KCNQ5: variants seen among roughly 807,000 people sequenced by gnomAD.
The protein encoded by KCNQ5 is potassium voltage-gated channel subfamily KQT member 5.
KCNQ5 carries 30 observed loss-of-function variants against 98.2 expected under a neutral mutation model. The observed-to-expected ratio is 0.31, with a 90% confidence interval of 0.23 to 0.41. KCNQ5 has a LOEUF of 0.41. KCNQ5 is among the 10% of genes least tolerant of loss of function. The pLI is 1.00. For synonymous variants in KCNQ5, 458 were observed against 449.4 expected, an observed-to-expected ratio of 1.02 and a Z score of -0.24; for missense variants, 835 against 1,182.5, an observed-to-expected ratio of 0.71 and a Z score of 4.31.
chr6:73,065,030 G>T, intron 3 of KCNQ5, among the ~76,000 whole-genome samples: 1 of 142,690 alleles, frequency 7.0e-6, no homozygotes, highest in Non-Finnish European at 1.5e-5. Context: ...GATATTGCAA[G>T]GGATTCGTCC....
rs1456309964 is a variant in KCNQ5, at chr6:72,982,548, A to G, written c.399-21360A>G. Among the ~76,000 whole-genome samples, 4 of 80,344 alleles carry G rather than the reference A, an allele frequency of 5.0e-5. No homozygotes were observed. The South Asian group carries it at 1.6e-3, about 33-fold the overall frequency. The allele number at this position is 80,344 out of a possible 152,430, so 52.7% of individuals were successfully genotyped here. A position where few individuals can be genotyped will look rare whatever the true frequency, so the allele number is the denominator to read the frequency against. ...TTTGTAGATCTTCCTCCATCTCTTT[A>G]TCTTGAGCCTATGTGTGTCTCTGCA... is the stretch of plus-strand genomic sequence containing the variant. On this transcript the variant is annotated intron_variant, in intron 1 of 13. Transcript: ENST00000370398.
At chr6:73,160,153 A>G (rs1403239818) in intron 10 of KCNQ5, among the ~76,000 whole-genome samples, 2 of 150,828 alleles carry the variant, frequency 1.3e-5, no homozygotes, top group Non-Finnish European at 2.9e-5. Flanking sequence ...AGCTGGGACT[A>G]CAGGCACCCA....
intron 1 of KCNQ5, among the ~76,000 whole-genome samples, chr6:72,819,616 G>T (rs1775659230): frequency 6.6e-6 from 1 of 152,138 alleles, no homozygotes; most frequent in African/African-American, 2.4e-5. Flanking sequence ...AACTGTTGGG[G>T]TCCTATAGAT....
chr6:72,938,142 A>G (rs1766031880), intron 1 of KCNQ5, among the ~76,000 whole-genome samples: 1 of 152,188 alleles, frequency 6.6e-6, no homozygotes, highest in Admixed American at 6.5e-5. Flanking sequence ...CTAGTAACTA[A>G]TTAATTCATT....
rs1765557952 is a variant in KCNQ5 at position 72,928,822 on chromosome 6, C to T, written c.399-75086C>T. ...CTAATATACCTAGCACAGTTCTCTACTCTGCAGGTGCCCATAAGCTCTTTA... is the reference window on the plus strand; with the variant it reads ...CTAATATACCTAGCACAGTTCTCTATTCTGCAGGTGCCCATAAGCTCTTTA... On this transcript the variant is annotated intron_variant, in intron 1 of 13. Coordinates refer to ENST00000370398, the MANE Select transcript of KCNQ5 (RefSeq NM_019842.4). Among the ~76,000 whole-genome samples the T allele has an allele frequency of 2.0e-5, 3 of 152,104 alleles. No individual in the cohort carries two copies. In the South Asian group the frequency reaches 6.2e-4, roughly 32 times the overall value.
At chr6:72,844,970 A>C (rs569775864) in intron 1 of KCNQ5, among the ~76,000 whole-genome samples, 1 of 152,324 alleles carries the variant, frequency 6.6e-6, no homozygotes, top group Admixed American at 6.5e-5. Flanking sequence ...AACTTTCCAA[A>C]GGCTCCTAAT....
At chr6:72,738,424 A>C (rs1044751183) in intron 1 of KCNQ5, among the ~76,000 whole-genome samples, 111 of 152,194 alleles carry the variant, frequency 7.3e-4, no homozygotes, top group African/African-American at 2.6e-3. Context: ...TTAAAATATT[A>C]TATTACACTT....
Position 73,019,880 on chromosome 6 carries a change from G to C in KCNQ5, c.489+15882G>C, listed in dbSNP as rs1770512103. Among the ~76,000 whole-genome samples the C allele has an allele frequency of 2.0e-5, 3 of 152,044 alleles. 1 individual carries two copies. In the South Asian group the frequency reaches 6.2e-4, roughly 32 times the overall value. On this transcript the variant is annotated intron_variant, in intron 2 of 13. Coordinates refer to ENST00000370398, the MANE Select transcript of KCNQ5 (RefSeq NM_019842.4). ...ATTTATGTATTTTGACATTTTCTCA[G>C]TGCATAGCACCTATAACATTGGGAT... is the stretch of plus-strand genomic sequence containing the variant.
At chr6:72,827,897 A>G (rs1428473187) in intron 1 of KCNQ5, among the ~76,000 whole-genome samples, 1 of 152,002 alleles carries the variant, frequency 6.6e-6, no homozygotes, top group Non-Finnish European at 1.5e-5. Flanking sequence ...TTTTGAGTGG[A>G]TTTTTATATA....
intron 5 of KCNQ5, among the ~76,000 whole-genome samples, chr6:73,079,493 G>A (rs1034380425): frequency 6.6e-6 from 1 of 152,174 alleles, no homozygotes; most frequent in Non-Finnish European, 1.5e-5. Context: ...TTGTCAGAGA[G>A]GGGGAAAATT....
chr6:72,683,528 C>T (rs536956169), intron 1 of KCNQ5, among the ~76,000 whole-genome samples: 2 of 151,952 alleles, frequency 1.3e-5, no homozygotes, highest in South Asian at 2.1e-4. Flanking sequence ...CCACCACACC[C>T]GGCTAATTTT....
intron 1 of KCNQ5, among the ~76,000 whole-genome samples, chr6:72,824,797 G>C (rs1325233768): frequency 6.6e-6 from 1 of 151,980 alleles, no homozygotes; most frequent in Admixed American, 6.6e-5. Context: ...GTGTGTGTGT[G>C]TGTGTGTGTC....
At chr6:73,084,669 G>A (rs75268438) in intron 5 of KCNQ5, among the ~76,000 whole-genome samples, 2 of 152,190 alleles carry the variant, frequency 1.3e-5, no homozygotes, top group African/African-American at 4.8e-5. Context: ...AAGTCTAGAT[G>A]TGATTTCCTC....
intron 7 of KCNQ5, among the ~76,000 whole-genome samples, chr6:73,115,132 T>TAATA (rs1186571340): frequency 2.9e-4 from 44 of 151,614 alleles, no homozygotes; most frequent in Admixed American, 2.6e-3. Flanking sequence ...CACATTTCTT[T>TAATA]AATAAATAAA....
At chr6:72,672,331 C>T (rs1767165290) in intron 1 of KCNQ5, among the ~76,000 whole-genome samples, 1 of 151,958 alleles carries the variant, frequency 6.6e-6, no homozygotes, top group Admixed American at 6.6e-5. Flanking sequence ...CTCCTGACCT[C>T]GAGTGATCCA....
intron 1 of KCNQ5, among the ~76,000 whole-genome samples, chr6:72,939,499 A>G (rs766295178): frequency 6.6e-6 from 1 of 152,192 alleles, no homozygotes; most frequent in African/African-American, 2.4e-5. Flanking sequence ...TAAGCCTCCA[A>G]ACTTTTTCTT....
chr6:72,686,304 T>C (rs1767947072), intron 1 of KCNQ5, among the ~76,000 whole-genome samples: 1 of 152,164 alleles, frequency 6.6e-6, no homozygotes, highest in African/African-American at 2.4e-5. Flanking sequence ...GCCAACAAAC[T>C]GTATTATCAA....
intron 1 of KCNQ5, among the ~76,000 whole-genome samples, chr6:72,657,681 C>T (rs1177425476): frequency 6.6e-6 from 1 of 152,114 alleles, no homozygotes; most frequent in East Asian, 1.9e-4. Flanking sequence ...AAACTAAAGC[C>T]TTTGTAGATA....
intron 10 of KCNQ5, chr6:73,157,477 A>G: frequency 1.4e-6 from 1 of 697,298 alleles, no homozygotes; most frequent in East Asian, 2.7e-5. Flanking sequence ...GCACCACCAC[A>G]GATTCCCAGA....
Sources: allele counts gnomAD v4.1 joint callset (sites outside exome capture counted in the v4.1 genomes callset), GRCh38; gene constraint gnomAD v4.1.1; transcripts MANE v1.5; gene names NCBI Gene and HGNC (gene_info 2026-07-23, HGNC 2026-07-21).